The following CTNNA3 variants were observed in gnomAD, a reference collection of about 807,000 sequenced individuals.
CTNNA3 encodes catenin alpha-3.
CTNNA3 carries 76 observed loss-of-function variants against 95.7 expected under a neutral mutation model. The ratio of observed to expected loss-of-function variants is 0.79; its 90% confidence interval spans 0.66 to 0.96. The LOEUF is 0.96. Among genes scored for constraint, CTNNA3 ranks in the 40% least tolerant of loss-of-function variants. The pLI is 0.00. For missense variants in CTNNA3, 1,191 were observed against 1,089.8 expected (o/e 1.09, Z -1.31); for synonymous variants, 431 against 374.4 (o/e 1.15, Z -1.74).
At chr10:66,761,683 T>A (rs997057483) in intron 9 of CTNNA3, among the ~76,000 whole-genome samples, 1 of 152,176 alleles carries the variant, frequency 6.6e-6, no homozygotes, top group African/African-American at 2.4e-5. Flanking sequence ...TTGAATGTAA[T>A]GGCATTCTTC....
At chr10:67,438,549 C>T (rs1337589911) in intron 5 of CTNNA3, among the ~76,000 whole-genome samples, 1 of 152,190 alleles carries the variant, frequency 6.6e-6, no homozygotes. Context: ...TAACAACTAA[C>T]TACACACAAA....
chr10:66,551,771 TA>T (rs1236929515), intron 10 of CTNNA3, among the ~76,000 whole-genome samples: 2 of 152,248 alleles, frequency 1.3e-5, no homozygotes, highest in Admixed American at 1.3e-4. Context: ...TGATAGGGAT[TA>T]AATTTCAGTT....
intron 7 of CTNNA3, among the ~76,000 whole-genome samples, chr10:67,118,144 A>C (rs559706472): frequency 1.2e-4 from 18 of 152,150 alleles, no homozygotes; most frequent in African/African-American, 4.3e-4. Context: ...AAAAAAGCAT[A>C]ATCAATAAAG....
At chr10:66,178,033 A>G (rs1039728713) in intron 13 of CTNNA3, among the ~76,000 whole-genome samples, 5 of 151,710 alleles carry the variant, frequency 3.3e-5, no homozygotes, top group Admixed American at 2.6e-4. Context: ...AACATTTTTT[A>G]TTTTTAATGA....
chr10:66,063,897 G>A lies in CTNNA3; in HGVS notation c.2159+5411C>T, dbSNP rs550761382. Among the ~76,000 whole-genome samples the A allele has an allele frequency of 3.3e-5, 5 of 152,230 alleles. No homozygotes were observed. In the South Asian group the frequency reaches 6.2e-4, roughly 19 times the overall value. On this transcript the variant is annotated intron_variant, in intron 15 of 17. Coordinates refer to ENST00000433211, the MANE Select transcript of CTNNA3 (RefSeq NM_013266.4). ...AAACTTCTTCCTGAATATAAGAATA[G>A]TAGGCCATTTAACTCTGATCTTCAA... is the stretch of plus-strand genomic sequence containing the variant.
At chr10:66,057,660 G>A (rs1392335022) in intron 15 of CTNNA3, among the ~76,000 whole-genome samples, 1 of 152,060 alleles carries the variant, frequency 6.6e-6, no homozygotes, top group East Asian at 1.9e-4. Context: ...AATATTTATG[G>A]GAAAGGCAAT....
At position 66,805,836 on chromosome 10, in the gene CTNNA3, C is replaced by A. The variant is rs192850415; in HGVS notation, c.1048-30312G>T. 2.2e-4 allele frequency among the ~76,000 whole-genome samples: 33 copies of A among 152,002 alleles called. No homozygotes were observed. In the East Asian group the frequency reaches 6.2e-3, roughly 28 times the overall value. On this transcript the variant is annotated intron_variant, in intron 7 of 17. Coordinates refer to ENST00000433211, the MANE Select transcript of CTNNA3 (RefSeq NM_013266.4). Reference sequence around the variant, plus strand: ...AGAAATGCACATCTGTGTTTTTGTACCAGGAGGCTGAGAGAATGAAATGTA... The same window carrying A: ...AGAAATGCACATCTGTGTTTTTGTAACAGGAGGCTGAGAGAATGAAATGTA...
chr10:66,163,187 C>A (rs185381987), intron 13 of CTNNA3, among the ~76,000 whole-genome samples: 37 of 152,254 alleles, frequency 2.4e-4, no homozygotes, highest in African/African-American at 8.7e-4. Context: ...GTGGAGTCTG[C>A]ACACAGGATT....
chr10:66,483,334 C>T (rs1275964071), intron 11 of CTNNA3, among the ~76,000 whole-genome samples: 2 of 151,280 alleles, frequency 1.3e-5, no homozygotes, highest in African/African-American at 4.9e-5. Context: ...AGCATCGCAC[C>T]CAACACAGAT....
chr10:66,878,625 A>G (rs1844721513), intron 7 of CTNNA3, among the ~76,000 whole-genome samples: 1 of 152,090 alleles, frequency 6.6e-6, no homozygotes, highest in African/African-American at 2.4e-5. Context: ...ACCTGATTCT[A>G]GGAGCAACTG....
chr10:67,740,219 A>G (rs1362027291), intron 1 of CTNNA3, among the ~76,000 whole-genome samples: 1 of 152,190 alleles, frequency 6.6e-6, no homozygotes, highest in Non-Finnish European at 1.5e-5. Flanking sequence ...AAGAAAACCT[A>G]GGCATTACCA....
chr10:65,984,446 C>T (rs1052795850), intron 16 of CTNNA3, among the ~76,000 whole-genome samples: 1 of 151,246 alleles, frequency 6.6e-6, no homozygotes, highest in East Asian at 1.9e-4. Flanking sequence ...TCATCTGAAA[C>T]TATTTTATGT....
intron 5 of CTNNA3, among the ~76,000 whole-genome samples, chr10:67,339,595 C>T (rs956875932): frequency 3.3e-5 from 5 of 151,358 alleles, no homozygotes; most frequent in South Asian, 2.1e-4. Flanking sequence ...ATACTTTTTA[C>T]TACGGAGAAC....
chr10:67,087,424 A>T (rs1172761643), intron 7 of CTNNA3, among the ~76,000 whole-genome samples: 3 of 152,052 alleles, frequency 2.0e-5, no homozygotes. Context: ...TTATAGGGGG[A>T]AAATCACCAA....
intron 14 of CTNNA3, among the ~76,000 whole-genome samples, chr10:66,082,831 T>C (rs1225622897): frequency 6.6e-6 from 1 of 152,198 alleles, no homozygotes; most frequent in Non-Finnish European, 1.5e-5. Context: ...GTCATTGGCA[T>C]CCTGTCTTCT....
chr10:66,726,075 G>C (rs1848772753), intron 9 of CTNNA3, among the ~76,000 whole-genome samples: 1 of 152,010 alleles, frequency 6.6e-6, no homozygotes. Flanking sequence ...ATTGTAATGA[G>C]TAAAATATGT....
intron 9 of CTNNA3, among the ~76,000 whole-genome samples, chr10:66,687,714 T>TGTAC: frequency 7.8e-6 from 1 of 128,444 alleles, no homozygotes; most frequent in South Asian, 2.5e-4. Context: ...TATATATATA[T>TGTAC]ATATACACAC....
intron 7 of CTNNA3, among the ~76,000 whole-genome samples, chr10:67,159,821 TG>T: frequency 6.6e-6 from 1 of 152,274 alleles, no homozygotes; most frequent in East Asian, 1.9e-4. Context: ...AATAATTTCT[TG>T]GGTATGACTC....
intron 3 of CTNNA3, among the ~76,000 whole-genome samples, chr10:67,583,662 T>C (rs1441310010): frequency 6.6e-6 from 1 of 152,232 alleles, no homozygotes; most frequent in African/African-American, 2.4e-5. Context: ...GTTTTCCAAC[T>C]TGGTTCCATT....
Sources: gnomAD v4.1 joint callset for allele counts (sites outside exome capture counted in the v4.1 genomes callset) on GRCh38, gnomAD v4.1.1 for gene constraint, MANE v1.5 for transcripts, NCBI Gene and HGNC (gene_info 2026-07-23, HGNC 2026-07-21) for gene names.